Variants in NAALADL2 observed in about 807,000 individuals in gnomAD.
NAALADL2 encodes the protein inactive N-acetylated-alpha-linked acidic dipeptidase-like protein 2.
In NAALADL2, 76 loss-of-function variants were observed where a neutral mutation model predicts 87.2. The ratio of observed to expected loss-of-function variants is 0.87; its 90% CI spans 0.72 to 1.05. The LOEUF (loss-of-function observed/expected upper bound fraction) is 1.05, where lower values mean the gene tolerates loss of function less well. Among genes scored for constraint, NAALADL2 ranks in the 50% least tolerant of loss-of-function variants. NAALADL2 has a pLI of 0.00. For synonymous variants in NAALADL2, 354 were observed against 331.0 expected (o/e 1.07, Z -0.75); for missense variants, 1,089 against 945.8 (o/e 1.15, Z -1.99).
chr3:175,745,480 GTAT>G lies in NAALADL2; in HGVS notation c.1990+8083_1990+8085del, dbSNP rs112635238. Among the ~76,000 whole-genome samples, 499 of 152,178 alleles carry G rather than the reference GTAT, an allele frequency of 3.3e-3. 5 individuals are homozygous for G. The highest frequency in any genetic ancestry group is 0.011 in the African/African-American group (470 of 41,530). ...CAAGTTCTTCATATAAAATTATGTA[GTAT>G]TTGCATATAACTTGTGCACACTATA... On this transcript the variant is annotated intron_variant, in intron 12 of 13. Transcript: ENST00000454872.
intron 10 of NAALADL2, among the ~76,000 whole-genome samples, chr3:175,593,421 G>A (rs1721811242): frequency 6.6e-6 from 1 of 152,090 alleles, no homozygotes; most frequent in African/African-American, 2.4e-5. Context: ...CTAGAGTGTA[G>A]AACCATGAAA....
At chr3:175,144,298 G>C (rs146731949) in intron 2 of NAALADL2, among the ~76,000 whole-genome samples, 1 of 151,834 alleles carries the variant, frequency 6.6e-6, no homozygotes, top group Non-Finnish European at 1.5e-5. Flanking sequence ...GGCACGTTTC[G>C]GTTAATTACT....
In NAALADL2 at chr3:175,151,062, C is replaced by G. The variant is rs1388871271; in HGVS notation, c.545+53771C>G. 3.3e-5 allele frequency among the ~76,000 whole-genome samples: 5 copies of G among 152,270 alleles called. No individual in the cohort carries two copies. In the East Asian group the frequency reaches 9.7e-4, roughly 29 times the overall value. On this transcript the variant is annotated intron_variant, in intron 2 of 13. Transcript: ENST00000454872. ...TTGTTTAAACAATGAATCATACTTACCAAAATAAAAAGACACACCTGTAGT... is the reference window on the plus strand; with the variant it reads ...TTGTTTAAACAATGAATCATACTTAGCAAAATAAAAAGACACACCTGTAGT...
chr3:175,778,935 T>G lies in NAALADL2; in HGVS notation c.2189+23517T>G, dbSNP rs570515132. Among the ~76,000 whole-genome samples the G allele has an allele frequency of 5.8e-4, 88 of 152,202 alleles. 1 individual carries two copies. The highest frequency in any genetic ancestry group is 6.8e-3 in the Middle Eastern group (2 of 294). On this transcript the variant is annotated intron_variant, in intron 13 of 13. Transcript: ENST00000454872. ...AGCATATGAGTTTTATTTAGTAATT[T>G]TTACATGTACCTGAGAGCCATCACA...
intron 1 of NAALADL2, among the ~76,000 whole-genome samples, chr3:174,965,650 T>C (rs969347520): frequency 3.3e-5 from 5 of 151,842 alleles, no homozygotes; most frequent in Non-Finnish European, 5.9e-5. Context: ...AAAAACAACA[T>C]GAAGAAGAGA....
intron 4 of NAALADL2, among the ~76,000 whole-genome samples, chr3:175,270,548 A>G (rs1752678820): frequency 6.6e-6 from 1 of 152,202 alleles, no homozygotes; most frequent in Admixed American, 6.5e-5. Flanking sequence ...CCACAGGGCA[A>G]TTGTATATCG....
intron 1 of NAALADL2, among the ~76,000 whole-genome samples, chr3:175,026,237 A>T (rs1008688734): frequency 6.6e-6 from 1 of 152,122 alleles, no homozygotes; most frequent in African/African-American, 2.4e-5. Context: ...ATGAGAAAAT[A>T]CACATGTCTA....
At chr3:175,242,356 G>C (rs1747074237) in intron 3 of NAALADL2, 1 of 152,148 alleles carries the variant, frequency 6.6e-6, no homozygotes, top group South Asian at 2.1e-4. Context: ...CTGTATTTAA[G>C]TATTTTGTTT....
rs762914520 is a variant in NAALADL2, at chr3:175,324,243, G to C, written c.1008G>C (p.Lys336Asn). 8.7e-6 allele frequency: 14 copies of C among 1,613,686 alleles called. No individual in the cohort carries two copies. Among genetic ancestry groups the C allele is most frequent in the Non-Finnish European group, 5.9e-6 (7 of 1,179,734 alleles). ...ATATCGATCCTTGTGATTTGCCAAAGACTGTGAATCCTAGCCATGATACCT... is the reference window on the plus strand; with the variant it reads ...ATATCGATCCTTGTGATTTGCCAAACACTGTGAATCCTAGCCATGATACCT... ...LLYIDPCDLP[K>N]TVNPSHDTFM... The change falls in exon 5 of 14, where the codon AAG (lysine) becomes AAC (asparagine). Residue 336 changes from lysine to asparagine, a missense_variant. By Grantham distance (94) the Lys-to-Asn change is moderately conservative. Transcript: ENST00000454872.
At chr3:174,893,018 A>G (rs73174795) in intron 1 of NAALADL2, among the ~76,000 whole-genome samples, 13,156 of 152,106 alleles carry the variant, frequency 0.086, 762 homozygotes, top group Non-Finnish European at 0.12. Context: ...CACACTCTCA[A>G]AGGTCAAGGA....
intron 6 of NAALADL2, among the ~76,000 whole-genome samples, chr3:175,448,127 T>C (rs1423439211): frequency 6.6e-6 from 1 of 152,224 alleles, no homozygotes; most frequent in Non-Finnish European, 1.5e-5. Context: ...AAAGAAAATA[T>C]GTTGAAGAAA....
chr3:175,129,974 C>T (rs1727558486), intron 2 of NAALADL2, among the ~76,000 whole-genome samples: 1 of 152,156 alleles, frequency 6.6e-6, no homozygotes, highest in Non-Finnish European at 1.5e-5. Flanking sequence ...CAACACTTGT[C>T]TCTTGTCTTA....
At chr3:175,719,382 TA>T (rs5854652) in intron 11 of NAALADL2, among the ~76,000 whole-genome samples, 314 of 145,340 alleles carry the variant, frequency 2.2e-3, no homozygotes, top group Non-Finnish European at 2.5e-3. Context: ...TAAAGTATAA[TA>T]AAAAAAAAAA....
chr3:174,925,434 C>T (rs1735869411), intron 1 of NAALADL2, among the ~76,000 whole-genome samples: 1 of 152,150 alleles, frequency 6.6e-6, no homozygotes, highest in South Asian at 2.1e-4. Flanking sequence ...GTCTATATCT[C>T]TGTTTTGGTA....
chr3:174,513,193 C>T (rs1019314422), intron 1 of NAALADL2, among the ~76,000 whole-genome samples: 1 of 152,132 alleles, frequency 6.6e-6, no homozygotes, highest in African/African-American at 2.4e-5. Context: ...AACTCCTGAT[C>T]TCCTGATCTA....
chr3:175,248,079 A>G (rs1748324818), intron 3 of NAALADL2, among the ~76,000 whole-genome samples: 1 of 152,192 alleles, frequency 6.6e-6, no homozygotes, highest in Non-Finnish European at 1.5e-5. Flanking sequence ...TGCCTTCTCT[A>G]GTATACCTGC....
chr3:175,197,357 A>G (rs1739178143), intron 2 of NAALADL2, among the ~76,000 whole-genome samples: 1 of 152,078 alleles, frequency 6.6e-6, no homozygotes, highest in Admixed American at 6.6e-5. Context: ...AAATGATAAA[A>G]TAGACTATAT....
At chr3:174,798,659 T>C (rs1718432175) in intron 3 of NAALADL2, among the ~76,000 whole-genome samples, 1 of 152,134 alleles carries the variant, frequency 6.6e-6, no homozygotes, top group Non-Finnish European at 1.5e-5. Flanking sequence ...TATTTTTATG[T>C]ATTTTATTTT....
At chr3:175,516,192 G>T (rs1731809831) in intron 9 of NAALADL2, among the ~76,000 whole-genome samples, 1 of 152,174 alleles carries the variant, frequency 6.6e-6, no homozygotes, top group Admixed American at 6.5e-5. Context: ...TCACTAACAT[G>T]CATAAGAGTT....
Sources: gnomAD v4.1 joint callset for allele counts (sites outside exome capture counted in the v4.1 genomes callset) on GRCh38, gnomAD v4.1.1 for gene constraint, MANE v1.5 for transcripts, NCBI Gene and HGNC (gene_info 2026-07-23, HGNC 2026-07-21) for gene names.